Variants in TRAPPC12 observed in about 807,000 individuals in gnomAD.
TRAPPC12 encodes TPR repeat protein 15.
In TRAPPC12, 61 loss-of-function variants were observed where a neutral mutation model predicts 69.2. That is an observed-to-expected ratio of 0.88 (90% confidence interval 0.72 to 1.09). The LOEUF (loss-of-function observed/expected upper bound fraction) is 1.09, where lower values mean the gene tolerates loss of function less well. Ranked by LOEUF, TRAPPC12 falls within the 50% of genes least tolerant of loss-of-function variation. The probability of loss-of-function intolerance (pLI) is 0.00; values close to 1 mark genes in which losing one functional copy is unlikely to be tolerated. For synonymous variants in TRAPPC12, 469 were observed against 438.9 expected (o/e 1.07, Z -0.86); for missense variants, 1,101 against 1,016.4 (o/e 1.08, Z -1.13).
chr2:3,448,091 G>T (rs538588936), intron 6 of TRAPPC12, among the ~76,000 whole-genome samples: 2 of 152,344 alleles, frequency 1.3e-5, no homozygotes, highest in South Asian at 4.1e-4. Context: ...GGTGCTGAAT[G>T]CATTATGTTG....
At chr2:3,382,872 C>T (rs953256495) in intron 1 of TRAPPC12, among the ~76,000 whole-genome samples, 3 of 152,214 alleles carry the variant, frequency 2.0e-5, no homozygotes, top group African/African-American at 7.2e-5. Flanking sequence ...CTGCAGTAAG[C>T]CATCATCGTC....
In TRAPPC12 at chr2:3,477,734, G is replaced by A. The variant is rs148573349; in HGVS notation, c.1816G>A (p.Val606Ile). Residue 606 changes from valine (V) to isoleucine (I), a missense_variant, in exon 10 of 12, where the codon GTT becomes ATT. Physicochemically the swap from Val to Ile is conservative, Grantham distance 29. Transcript: ENST00000324266. ...AACAGCTGAAAAGTATTTTCAAGACGTTGAGAAAGTAACACAGAAATTAGA... is the reference window on the plus strand; with the variant it reads ...AACAGCTGAAAAGTATTTTCAAGACATTGAGAAAGTAACACAGAAATTAGA... ...IKTAEKYFQDVEKVTQKLDGL... is the reference protein window; with the variant it reads ...IKTAEKYFQDIEKVTQKLDGL... 1.6e-5 allele frequency: 26 copies of A among 1,608,214 alleles called. No homozygotes were observed. The African/African-American group carries it at 2.0e-4, about 12-fold the overall frequency.
At position 3,388,498 on chromosome 2, in the gene TRAPPC12, AC is replaced by A; in HGVS notation, c.879del (p.Phe294LeufsTer5). On this transcript the variant is annotated frameshift_variant, in exon 2 of 12. Transcript: ENST00000324266. LOFTEE classifies it high-confidence loss of function. The stretch of plus-strand genomic sequence containing the variant: ...CAGGCAGTGTTTGCAGGGAGTGACG[AC>A]CCCTTTGCCACCGCCCTGAGCATGA... ...HIQAVFAGSD[D>X]PFATALSMSE... is the part of the protein sequence containing the mutation. The A allele has an allele frequency of 6.2e-7, 1 of 1,612,496 alleles. No homozygotes were observed. Among genetic ancestry groups the A allele is most frequent in the Non-Finnish European group, 8.5e-7 (1 of 1,179,648 alleles).
intron 2 of TRAPPC12, among the ~76,000 whole-genome samples, chr2:3,390,994 G>T (rs1660793998): frequency 6.6e-6 from 1 of 152,040 alleles, no homozygotes; most frequent in South Asian, 2.1e-4. Context: ...TATTTAATGA[G>T]GTTCATCTCA....
intron 5 of TRAPPC12, among the ~76,000 whole-genome samples, chr2:3,432,433 T>C (rs1345550599): frequency 6.6e-6 from 1 of 152,244 alleles, no homozygotes; most frequent in African/African-American, 2.4e-5. Context: ...ATTCACATTT[T>C]GAGTTCTCAA....
At position 3,475,913 on chromosome 2, in the gene TRAPPC12, C is replaced by T. The variant is rs567321503; in HGVS notation, c.1777-1782C>T. The stretch of plus-strand genomic sequence containing the variant: ...GCCACGGCCGCCGGCACACGTTAAT[C>T]TTGATCGGTCTTGATGATGGGCTGT... On this transcript the variant is annotated intron_variant, in intron 9 of 11. Coordinates refer to ENST00000324266, the MANE Select transcript of TRAPPC12 (RefSeq NM_016030.6). Among the ~76,000 whole-genome samples the T allele has an allele frequency of 4.2e-3, 634 of 152,372 alleles. 8 individuals are homozygous for T. The highest frequency in any genetic ancestry group is 6.0e-3 in the Non-Finnish European group (410 of 68,038).
At chr2:3,454,365 GTGT>G (rs1240278229) in intron 6 of TRAPPC12, among the ~76,000 whole-genome samples, 10 of 147,072 alleles carry the variant, frequency 6.8e-5, no homozygotes, top group Admixed American at 1.3e-4. Flanking sequence ...AGCCTGCCTG[GTGT>G]CTCCATGTCC....
chr2:3,448,081 G>T (rs1166771583), intron 6 of TRAPPC12, among the ~76,000 whole-genome samples: 2 of 152,224 alleles, frequency 1.3e-5, no homozygotes, highest in Non-Finnish European at 1.5e-5. Context: ...GGATGTGTGA[G>T]GTGCTGAATG....
chr2:3,433,518 A>C (rs1020401208), intron 5 of TRAPPC12, among the ~76,000 whole-genome samples: 1 of 152,166 alleles, frequency 6.6e-6, no homozygotes, highest in African/African-American at 2.4e-5. Flanking sequence ...GGCTGCAGAG[A>C]GGATGTGAGC....
rs576666333 is a variant in TRAPPC12, at chr2:3,435,081, C to T, written c.1418-8698C>T. ...AGGCTAGAGTGCAGTGGTGCGATCT[C>T]GGCTCACTGCAATGTCCACCTCCCA... is the stretch of plus-strand genomic sequence containing the variant. On this transcript the variant is annotated intron_variant, in intron 5 of 11. Coordinates refer to ENST00000324266, the MANE Select transcript of TRAPPC12 (RefSeq NM_016030.6). 2.2e-4 allele frequency among the ~76,000 whole-genome samples: 34 copies of T among 152,308 alleles called. No individual in the cohort carries two copies. The South Asian group carries it at 6.4e-3, about 29-fold the overall frequency.
Position 3,460,382 on chromosome 2 carries a change from G to A in TRAPPC12, c.1677+46G>A, listed in dbSNP as rs377601110. 8.1e-5 allele frequency: 69 copies of A among 847,478 alleles called. No individual in the cohort carries two copies. In the African/African-American group the frequency reaches 9.6e-4, roughly 12 times the overall value. 52.5% of individuals were successfully genotyped at this position (847,478 alleles called of 1,614,324 possible). A position where few individuals can be genotyped will look rare whatever the true frequency, so the allele number is the denominator to read the frequency against. On this transcript the variant is annotated intron_variant, in intron 8 of 11. Coordinates refer to ENST00000324266, the MANE Select transcript of TRAPPC12 (RefSeq NM_016030.6). Reference sequence around the variant, plus strand: ...GGCTGCCATGTGATCTGGAAGAGCGGGGTCAGTGGGAGCCGCGAGGGAGCC... The same window carrying A: ...GGCTGCCATGTGATCTGGAAGAGCGAGGTCAGTGGGAGCCGCGAGGGAGCC...
chr2:3,413,455 G>T (rs922707950), intron 3 of TRAPPC12, among the ~76,000 whole-genome samples: 20 of 152,168 alleles, frequency 1.3e-4, no homozygotes, highest in African/African-American at 4.6e-4. Context: ...GTTGAGTGGT[G>T]TTCGGTTAGT....
intron 8 of TRAPPC12, among the ~76,000 whole-genome samples, chr2:3,463,888 T>C (rs896773745): frequency 2.0e-5 from 3 of 152,134 alleles, no homozygotes; most frequent in Admixed American, 2.0e-4. Flanking sequence ...GCCTACTTCC[T>C]TCCCCAGAGA....
intron 6 of TRAPPC12, among the ~76,000 whole-genome samples, chr2:3,450,285 T>G (rs1048599493): frequency 3.9e-5 from 6 of 152,202 alleles, no homozygotes; most frequent in South Asian, 2.1e-4. Flanking sequence ...TCTTAAATCG[T>G]GCATTCTTTG....
intron 5 of TRAPPC12, among the ~76,000 whole-genome samples, chr2:3,432,146 A>G (rs969016719): frequency 4.6e-5 from 7 of 152,248 alleles, no homozygotes; most frequent in African/African-American, 1.7e-4. Flanking sequence ...TTCACTATGC[A>G]GTTTAAGAAG....
chr2:3,449,376 C>T lies in TRAPPC12; in HGVS notation c.1530+5485C>T, dbSNP rs75432732. On this transcript the variant is annotated intron_variant, in intron 6 of 11. Coordinates refer to ENST00000324266, the MANE Select transcript of TRAPPC12 (RefSeq NM_016030.6). ...TTGAGTTCAGCTCCATCCCTCCCTGCAGTTCCGCAGCCTCCGGCTTCCCCA... is the reference window on the plus strand; with the variant it reads ...TTGAGTTCAGCTCCATCCCTCCCTGTAGTTCCGCAGCCTCCGGCTTCCCCA... 2,631 of 152,682 alleles carry T rather than the reference C, an allele frequency of 0.017. 112 individuals are homozygous for T. The East Asian group carries it at 0.17, about 10-fold the overall frequency. The allele number at this position is 152,682 out of a possible 1,614,324, so 9.5% of individuals were successfully genotyped here. A position where few individuals can be genotyped will look rare whatever the true frequency, so the allele number is the denominator to read the frequency against.
At chr2:3,431,150 C>T (rs1309896271) in intron 5 of TRAPPC12, among the ~76,000 whole-genome samples, 1 of 152,264 alleles carries the variant, frequency 6.6e-6, no homozygotes, top group Non-Finnish European at 1.5e-5. Context: ...TGCTCTCTCT[C>T]CTGGCATACC....
At chr2:3,384,258 G>A (rs1372969884) in intron 1 of TRAPPC12, among the ~76,000 whole-genome samples, 2 of 152,094 alleles carry the variant, frequency 1.3e-5, no homozygotes, top group Non-Finnish European at 2.9e-5. Context: ...CATACACGAA[G>A]AATGAAGGTT....
At chr2:3,457,480 T>G in intron 6 of TRAPPC12, 141 bp from the exon 7 acceptor site, 2 of 654,568 alleles carry the variant, frequency 3.1e-6, no homozygotes, top group Non-Finnish European at 5.3e-6. Flanking sequence ...TGTTTTAATA[T>G]TTTTTAAAAG....
Sources: gnomAD v4.1 joint callset for allele counts (sites outside exome capture counted in the v4.1 genomes callset) on GRCh38, gnomAD v4.1.1 for gene constraint, MANE v1.5 for transcripts, NCBI Gene and HGNC (gene_info 2026-07-23, HGNC 2026-07-21) for gene names.